ATM: variants seen among roughly 807,000 people sequenced by gnomAD.
ATM encodes the protein ATM serine/threonine kinase.
In ATM, 308 loss-of-function variants were observed where a neutral mutation model predicts 387.0. That is an observed-to-expected ratio of 0.80 (90% CI 0.73 to 0.87). The LOEUF is 0.87. Ranked by LOEUF, ATM falls within the 40% of genes least tolerant of loss-of-function variation. The pLI is 0.00. For missense variants in ATM, 3,312 were observed against 3,560.9 expected, an observed-to-expected ratio of 0.93 and a Z score of 1.78; for synonymous variants, 1,156 against 1,187.3, an observed-to-expected ratio of 0.97 and a Z score of 0.54.
At chr11:108,308,779 T>G in intron 38 of ATM, 2 of 516,822 alleles carry the variant, frequency 3.9e-6, no homozygotes, top group Non-Finnish European at 7.0e-6. Flanking sequence ...TATGTAGTCT[T>G]AAACCATTCT....
At chr11:108,308,032 T>G (rs201696538) in intron 38 of ATM, 48 bp downstream of exon 38, 1 of 1,517,324 alleles carries the variant, frequency 6.6e-7, no homozygotes, top group African/African-American at 1.4e-5. Context: ...AGAGTGTAAC[T>G]TGTTAACTAT....
intron 5 of ATM, among the ~76,000 whole-genome samples, chr11:108,238,609 T>C (rs1347803609): frequency 6.6e-6 from 1 of 152,216 alleles, no homozygotes; most frequent in Non-Finnish European, 1.5e-5. Flanking sequence ...TTAATTTTTG[T>C]ATAGTGACCT....
rs2137982067 is a variant in ATM, at chr11:108,366,740, C to G, written c.*1232C>G. On this transcript the variant is annotated 3_prime_UTR_variant, in exon 63 of 63. Transcript: ENST00000675843. ...AGGCAAACACACTTCCTCCTCATCT[C>G]CTTGTGCTAGTGGGCAGAATATTTG... 4.3e-6 allele frequency: 1 copy of G among 231,218 alleles called. No individual in the cohort carries two copies. The highest frequency in any genetic ancestry group is 6.1e-5 in the East Asian group (1 of 16,268). 14.3% of individuals were successfully genotyped at this position (231,218 alleles called of 1,614,324 possible). A position where few individuals can be genotyped will look rare whatever the true frequency, so the allele number is the denominator to read the frequency against.
At chr11:108,352,071 G>A (rs1319786158) in intron 59 of ATM, among the ~76,000 whole-genome samples, 3 of 152,150 alleles carry the variant, frequency 2.0e-5, no homozygotes, top group African/African-American at 7.2e-5. Flanking sequence ...GTTTAAGGAA[G>A]ATCCTGAGTC....
intron 37 of ATM, among the ~76,000 whole-genome samples, chr11:108,306,517 A>T (rs752541794): frequency 6.6e-6 from 1 of 152,196 alleles, no homozygotes; most frequent in Non-Finnish European, 1.5e-5. Context: ...ATTTGTTATC[A>T]TGAACATGGC....
At chr11:108,352,927 C>CT (rs2089388418) in intron 59 of ATM, among the ~76,000 whole-genome samples, 4 of 152,014 alleles carry the variant, frequency 2.6e-5, no homozygotes, top group Admixed American at 2.6e-4. Context: ...GGTCAGAGGG[C>CT]TGGGTGATAG....
intron 5 of ATM, among the ~76,000 whole-genome samples, chr11:108,239,542 G>A (rs560520720): frequency 3.3e-5 from 5 of 152,158 alleles, no homozygotes; most frequent in South Asian, 2.1e-4. Context: ...TAATTCATTC[G>A]TCCATTGGTG....
chr11:108,241,997 G>A (rs775016289), intron 5 of ATM, among the ~76,000 whole-genome samples: 1 of 151,608 alleles, frequency 6.6e-6, no homozygotes, highest in Non-Finnish European at 1.5e-5. Context: ...TGGGATTACA[G>A]GTGTGAACCA....
chr11:108,282,328 A>G (rs182413986), intron 24 of ATM, among the ~76,000 whole-genome samples: 2 of 152,112 alleles, frequency 1.3e-5, no homozygotes, highest in Non-Finnish European at 2.9e-5. Flanking sequence ...GGCTCTTGCT[A>G]TGTTGCCCAA....
At chr11:108,238,087 C>T (rs1269430719) in intron 5 of ATM, among the ~76,000 whole-genome samples, 2 of 151,678 alleles carry the variant, frequency 1.3e-5, no homozygotes, top group Non-Finnish European at 2.9e-5. Flanking sequence ...CCACCACACC[C>T]AGCTAATTTT....
chr11:108,223,654 G>GTTAAGATAAT (rs2078597879), intron 1 of ATM: 1 of 152,234 alleles, frequency 6.6e-6, no homozygotes, highest in Admixed American at 6.5e-5. Flanking sequence ...CCTGTGGTGA[G>GTTAAGATAAT]CACTCGTGAG....
intron 59 of ATM, among the ~76,000 whole-genome samples, 167 bp from the exon 60 acceptor site, chr11:108,353,599 A>T (rs1284159094): frequency 6.6e-6 from 1 of 152,240 alleles, no homozygotes; most frequent in Admixed American, 6.5e-5. Context: ...ACAGACAGTG[A>T]CAAAGATGAG....
chr11:108,323,639 G>C (rs908053967), intron 45 of ATM, among the ~76,000 whole-genome samples: 6 of 152,158 alleles, frequency 3.9e-5, no homozygotes, highest in Admixed American at 2.6e-4. Flanking sequence ...TTGTATGCTT[G>C]TATCAAAATA....
At position 108,268,623 on chromosome 11, in the gene ATM, A is replaced by G. The variant is rs2135528009; in HGVS notation, c.2838+14A>G. 6.2e-7 allele frequency: 1 copy of G among 1,612,376 alleles called. No homozygotes were observed. ...CACCTGCATATGGTGAGTTACGTTA[A>G]ATGAAGAAGCTCTTGGATTTTATCT... On this transcript the variant is annotated intron_variant, in intron 18 of 62. Coordinates refer to ENST00000675843, the MANE Select transcript of ATM (RefSeq NM_000051.4).
intron 47 of ATM, among the ~76,000 whole-genome samples, chr11:108,326,625 A>T (rs1292622719): frequency 2.0e-5 from 3 of 152,238 alleles, no homozygotes; most frequent in Non-Finnish European, 4.4e-5. Flanking sequence ...GTCAATCCAA[A>T]TGCTTTGAAA....
At position 108,313,130 on chromosome 11, in the gene ATM, C is replaced by T. The variant is rs4988073; in HGVS notation, c.6006+632C>T. Among the ~76,000 whole-genome samples, 1,037 of 152,278 alleles carry T rather than the reference C, an allele frequency of 6.8e-3. 16 individuals are homozygous for T. The highest frequency in any genetic ancestry group is 0.023 in the African/African-American group (960 of 41,554). On this transcript the variant is annotated intron_variant, in intron 40 of 62. Transcript: ENST00000675843. ...GGCATCTCCTCCTTTAATAATCTTC[C>T]GTCATGTTACAGAAACAGTTTATCC... is the stretch of plus-strand genomic sequence containing the variant.
At chr11:108,302,497 A>G (rs1343632185) in intron 35 of ATM, among the ~76,000 whole-genome samples, 6 of 152,138 alleles carry the variant, frequency 3.9e-5, no homozygotes, top group African/African-American at 1.2e-4. Context: ...TTATAATTCT[A>G]ACATTTTAAA....
At chr11:108,312,151 A>G (rs1452273352) in intron 39 of ATM, among the ~76,000 whole-genome samples, 1 of 152,192 alleles carries the variant, frequency 6.6e-6, no homozygotes, top group African/African-American at 2.4e-5. Context: ...TCTATTTTTA[A>G]ACAATCCAAT....
intron 17 of ATM, among the ~76,000 whole-genome samples, 155 bp downstream of exon 17, chr11:108,267,497 T>A (rs549002710): frequency 2.7e-4 from 41 of 152,208 alleles, no homozygotes; most frequent in African/African-American, 8.2e-4. Context: ...ATTTTTTTTT[T>A]ATTTTTACTT....
Sources: gnomAD v4.1 joint callset for allele counts (sites outside exome capture counted in the v4.1 genomes callset) on GRCh38, gnomAD v4.1.1 for gene constraint, MANE v1.5 for transcripts, NCBI Gene and HGNC (gene_info 2026-07-23, HGNC 2026-07-21) for gene names.